Variants in ARL15 observed in about 807,000 individuals in gnomAD.
ARL15 encodes ARF like GTPase 15.
ARL15 carries 19 observed loss-of-function variants against 25.2 expected under a neutral mutation model. That is an observed-to-expected ratio of 0.75 (90% CI 0.53 to 1.10). The LOEUF is 1.10. ARL15 is among the 50% of genes least tolerant of loss of function. The probability of loss-of-function intolerance (pLI) is 0.00; values close to 1 mark genes in which losing one functional copy is unlikely to be tolerated. For missense variants in ARL15, 220 were observed against 246.0 expected (o/e 0.89, Z 0.71); for synonymous variants, 94 against 86.8 (o/e 1.08, Z -0.46).
At chr5:54,175,718 T>C (rs1754853308) in intron 1 of ARL15, among the ~76,000 whole-genome samples, 1 of 150,580 alleles carries the variant, frequency 6.6e-6, no homozygotes, top group Non-Finnish European at 1.5e-5. Context: ...AGTGGTGCAA[T>C]CTCCACTCAC....
intron 4 of ARL15, among the ~76,000 whole-genome samples, chr5:53,968,774 G>A (rs913167026): frequency 4.6e-5 from 7 of 151,910 alleles, no homozygotes; most frequent in Non-Finnish European, 1.0e-4. Flanking sequence ...CTCCCAAAGT[G>A]CTGGGATTAC....
chr5:54,256,611 T>TAAA lies in ARL15; in HGVS notation c.48+53818_48+53820dup, dbSNP rs71600817. 2.4e-3 allele frequency among the ~76,000 whole-genome samples: 267 copies of TAAA among 112,502 alleles called. 1 individual carries two copies. The highest frequency in any genetic ancestry group is 7.7e-3 in the African/African-American group (245 of 31,766). 73.8% of individuals were successfully genotyped at this position (112,502 alleles called of 152,430 possible). A position where few individuals can be genotyped will look rare whatever the true frequency, so the allele number is the denominator to read the frequency against. ...CTGATAGCAAAAGCATGAAAGAATGTAAAAAAAAAAAAAAAGAAAAAGAAA... is the reference window on the plus strand; with the variant it reads ...CTGATAGCAAAAGCATGAAAGAATGTAAAAAAAAAAAAAAAAAAGAAAAAGAAA... On this transcript the variant is annotated intron_variant, in intron 1 of 4. Transcript: ENST00000504924.
chr5:54,173,222 G>T (rs1754772744), intron 1 of ARL15, among the ~76,000 whole-genome samples: 2 of 151,338 alleles, frequency 1.3e-5, no homozygotes, highest in South Asian at 4.2e-4. Flanking sequence ...AAGAAAGAAA[G>T]AAAAACAAGA....
At chr5:54,153,867 A>AT (rs1350667325) in intron 3 of ARL15, among the ~76,000 whole-genome samples, 1 of 152,228 alleles carries the variant, frequency 6.6e-6, no homozygotes, top group Non-Finnish European at 1.5e-5. Flanking sequence ...TCACAAAGTG[A>AT]TTAAAGAGAT....
At chr5:54,118,190 A>G (rs565477348) in intron 3 of ARL15, among the ~76,000 whole-genome samples, 1 of 152,314 alleles carries the variant, frequency 6.6e-6, no homozygotes, top group African/African-American at 2.4e-5. Flanking sequence ...GAAGAATTTC[A>G]GTATAGTATC....
At position 54,310,220 on chromosome 5, in the gene ARL15, G is replaced by A. The variant is rs912489048; in HGVS notation, c.48+212C>T. ...TCGCCCTGCAGCCGTGCTGGCCCAG[G>A]CCGCACCTTTACCTGTCAGCTCCAC... On this transcript the variant is annotated intron_variant, in intron 1 of 4. Coordinates refer to ENST00000504924, the MANE Select transcript of ARL15 (RefSeq NM_019087.3). 41 of 546,944 alleles carry A rather than the reference G, an allele frequency of 7.5e-5. 2 individuals carry two copies. The highest frequency in any genetic ancestry group is 7.5e-4 in the African/African-American group (39 of 52,088). 33.9% of individuals were successfully genotyped at this position (546,944 alleles called of 1,614,324 possible). A position where few individuals can be genotyped will look rare whatever the true frequency, so the allele number is the denominator to read the frequency against.
rs1023350537 is a variant in ARL15, at chr5:54,133,638, G to C, written c.254-20228C>G. On this transcript the variant is annotated intron_variant, in intron 3 of 4. Coordinates refer to ENST00000504924, the MANE Select transcript of ARL15 (RefSeq NM_019087.3). The stretch of plus-strand genomic sequence containing the variant: ...TAGCAAAGAAGGATAAGAAAACAAT[G>C]ACAAATCTAAGTCTCCAAACTTAAT... 4.6e-5 allele frequency among the ~76,000 whole-genome samples: 7 copies of C among 152,250 alleles called. No homozygotes were observed. In the South Asian group the frequency reaches 1.2e-3, roughly 27 times the overall value.
At chr5:54,143,462 CCTAT>C (rs1158879646) in intron 3 of ARL15, among the ~76,000 whole-genome samples, 1 of 151,432 alleles carries the variant, frequency 6.6e-6, no homozygotes, top group Non-Finnish European at 1.5e-5. Flanking sequence ...TTTACCTTAA[CCTAT>C]CTTTTTTTGT....
rs900799497 is a variant in ARL15 at position 54,003,691 on chromosome 5, T to G, written c.462+109511A>C. Among the ~76,000 whole-genome samples the G allele has an allele frequency of 2.7e-5, 4 of 150,328 alleles. No individual in the cohort carries two copies. In the South Asian group the frequency reaches 8.3e-4, roughly 31 times the overall value. Reference sequence around the variant, plus strand: ...ATCTATCTATCTATCTATCTATCTATCTATCTATCTATCTATCTATCTATC... The same window carrying G: ...ATCTATCTATCTATCTATCTATCTAGCTATCTATCTATCTATCTATCTATC... On this transcript the variant is annotated intron_variant, in intron 4 of 4. Transcript: ENST00000504924.
At chr5:54,004,515 C>A (rs10461568) in intron 4 of ARL15, among the ~76,000 whole-genome samples, 1 of 145,918 alleles carries the variant, frequency 6.9e-6, no homozygotes, top group African/African-American at 2.6e-5. Flanking sequence ...AAAAAAAATT[C>A]TCACCATGCT....
intron 4 of ARL15, among the ~76,000 whole-genome samples, chr5:53,985,116 T>A (rs1267414727): frequency 1.3e-5 from 2 of 152,160 alleles, no homozygotes; most frequent in Non-Finnish European, 2.9e-5. Context: ...GGTGAGTACA[T>A]GCAAATGTTG....
At chr5:54,072,735 T>C (rs1253256753) in intron 4 of ARL15, among the ~76,000 whole-genome samples, 1 of 152,198 alleles carries the variant, frequency 6.6e-6, no homozygotes, top group Non-Finnish European at 1.5e-5. Flanking sequence ...AAATGAAATA[T>C]CCTCTTTCCA....
intron 4 of ARL15, among the ~76,000 whole-genome samples, chr5:53,973,097 C>A (rs1747805088): frequency 6.6e-6 from 1 of 152,100 alleles, no homozygotes. Context: ...ATGACAATGG[C>A]AGTGATGGCT....
intron 4 of ARL15, among the ~76,000 whole-genome samples, chr5:54,011,834 T>C (rs950966608): frequency 6.6e-6 from 1 of 151,770 alleles, no homozygotes; most frequent in African/African-American, 2.4e-5. Flanking sequence ...CATGGTGAAA[T>C]CCCGACTCTA....
intron 4 of ARL15, among the ~76,000 whole-genome samples, chr5:53,892,414 G>A (rs958649201): frequency 3.3e-5 from 5 of 152,252 alleles, no homozygotes; most frequent in African/African-American, 1.2e-4. Flanking sequence ...ACAGGGAGAA[G>A]GGCAAGCTGG....
intron 4 of ARL15, among the ~76,000 whole-genome samples, chr5:53,959,322 C>A (rs1424443388): frequency 6.6e-6 from 1 of 152,058 alleles, no homozygotes; most frequent in African/African-American, 2.4e-5. Context: ...AATACCTATG[C>A]AAATTTATGG....
At chr5:54,187,251 G>A (rs180916445) in intron 1 of ARL15, among the ~76,000 whole-genome samples, 33 of 152,274 alleles carry the variant, frequency 2.2e-4, no homozygotes, top group Admixed American at 5.9e-4. Context: ...AATCTAACCA[G>A]CCAAACCTTG....
chr5:54,269,038 A>G (rs1236444745), intron 1 of ARL15, among the ~76,000 whole-genome samples: 4 of 149,022 alleles, frequency 2.7e-5, no homozygotes, highest in African/African-American at 7.4e-5. Context: ...ACATGGACAC[A>G]GGAAGGGGAA....
chr5:53,911,563 G>T (rs967959601), intron 4 of ARL15, among the ~76,000 whole-genome samples: 3 of 151,918 alleles, frequency 2.0e-5, no homozygotes, highest in African/African-American at 7.3e-5. Flanking sequence ...ATAGGCTTTT[G>T]GGGGACAGGT....
Sources: allele counts gnomAD v4.1 joint callset (sites outside exome capture counted in the v4.1 genomes callset), GRCh38; gene constraint gnomAD v4.1.1; transcripts MANE v1.5; gene names NCBI Gene and HGNC (gene_info 2026-07-23, HGNC 2026-07-21).